Variants in GLRA2 observed in about 807,000 individuals in gnomAD.
GLRA2 encodes glycine receptor alpha 2.
In GLRA2, 11 loss-of-function variants were observed where a neutral mutation model predicts 31.6. The ratio of observed to expected loss-of-function variants is 0.35; its 90% confidence interval spans 0.22 to 0.58. GLRA2 has a LOEUF of 0.58. GLRA2 is among the 20% of genes least tolerant of loss of function. GLRA2 has a pLI of 0.84. For missense variants in GLRA2, 212 were observed against 351.8 expected, an observed-to-expected ratio of 0.60 and a Z score of 3.18; for synonymous variants, 132 against 134.0, an observed-to-expected ratio of 0.99 and a Z score of 0.10.
At chrX:14,573,895 A>T (rs1368397415) in intron 2 of GLRA2, among the ~76,000 whole-genome samples, 2 of 110,665 alleles carry the variant, frequency 1.8e-5, no homozygotes, top group African/African-American at 6.6e-5. Flanking sequence ...AGAATGTCAT[A>T]CAAAAGGAGG....
At chrX:14,698,634 C>T (rs1469011815) in intron 8 of GLRA2, among the ~76,000 whole-genome samples, 3 of 92,434 alleles carry the variant, frequency 3.2e-5, no homozygotes, top group African/African-American at 1.3e-4. Context: ...GCTGAGATCA[C>T]GCCACTGTAC....
chrX:14,493,905 TACTC>T, the GLRA2 span, among the ~76,000 whole-genome samples: 6 of 108,342 alleles, frequency 5.5e-5, no homozygotes, highest in Admixed American at 4.0e-4. Context: ...ACAGTAATAT[TACTC>T]ACAATACTTT....
intron 4 of GLRA2, among the ~76,000 whole-genome samples, chrX:14,591,726 C>T (rs770924609): frequency 7.1e-5 from 8 of 111,905 alleles, no homozygotes; most frequent in African/African-American, 2.6e-4. Context: ...CAATATTAAC[C>T]ATTACAGATC....
the GLRA2 span, among the ~76,000 whole-genome samples, chrX:14,503,284 C>T: frequency 1.8e-5 from 2 of 111,068 alleles, no homozygotes; most frequent in African/African-American, 6.5e-5. Flanking sequence ...GAGTGACCTG[C>T]TGATTTAAGG....
At chrX:14,676,793 T>C (rs1425898585) in intron 7 of GLRA2, among the ~76,000 whole-genome samples, 1 of 112,155 alleles carries the variant, frequency 8.9e-6, no homozygotes, top group African/African-American at 3.2e-5. Flanking sequence ...AATTCATGAC[T>C]TGATTTTCTA....
the GLRA2 span, among the ~76,000 whole-genome samples, chrX:14,493,731 A>ACATATACACGTATATATGTATACACG: frequency 6.6e-4 from 66 of 99,659 alleles, 1 homozygote; most frequent in African/African-American, 2.4e-3. Flanking sequence ...ATACGTGTAT[A>ACATATACACGTATATATGTATACACG]TGTATACATA....
At chrX:14,721,306 TAAAAG>T (rs1041934978) in intron 8 of GLRA2, among the ~76,000 whole-genome samples, 1 of 93,906 alleles carries the variant, frequency 1.1e-5, no homozygotes, top group Non-Finnish European at 2.1e-5. Flanking sequence ...TCAAAATTGC[TAAAAG>T]AATAGATTTT....
intron 7 of GLRA2, among the ~76,000 whole-genome samples, chrX:14,622,829 C>T (rs1225902499): frequency 8.9e-6 from 1 of 111,930 alleles, no homozygotes; most frequent in East Asian, 2.8e-4. Flanking sequence ...ATTGTCTTAG[C>T]AATGCAGGCT....
chrX:14,615,912 T>C, intron 7 of GLRA2, among the ~76,000 whole-genome samples: 1 of 111,886 alleles, frequency 8.9e-6, no homozygotes, highest in Middle Eastern at 4.6e-3. Flanking sequence ...CTTCTCTAAA[T>C]ACAGGAAAAT....
chrX:14,666,263 C>T (rs946658294), intron 7 of GLRA2, among the ~76,000 whole-genome samples: 4 of 111,964 alleles, frequency 3.6e-5, no homozygotes, highest in Non-Finnish European at 7.5e-5. Flanking sequence ...GGATCTCTAG[C>T]ATTTGAGAGA....
At chrX:14,690,404 T>A (rs1035115629) in intron 7 of GLRA2, among the ~76,000 whole-genome samples, 1 of 111,994 alleles carries the variant, frequency 8.9e-6, no homozygotes, top group African/African-American at 3.2e-5. Flanking sequence ...ATTTCACATA[T>A]TTATTTGTAG....
chrX:14,607,383 A>G, intron 6 of GLRA2, 115 bp downstream of exon 6: 2 of 598,939 alleles, frequency 3.3e-6, no homozygotes, highest in Admixed American at 3.4e-5. Flanking sequence ...AAATAGACCT[A>G]TGTCGCACGG....
intron 4 of GLRA2, among the ~76,000 whole-genome samples, chrX:14,592,110 A>G (rs919314867): frequency 9.0e-6 from 1 of 111,401 alleles, no homozygotes; most frequent in Non-Finnish European, 1.9e-5. Context: ...TTCTAGCACT[A>G]TTATAAGTCT....
intron 7 of GLRA2, among the ~76,000 whole-genome samples, chrX:14,688,743 G>A (rs749490739): frequency 2.3e-4 from 25 of 110,381 alleles, no homozygotes; most frequent in Admixed American, 3.8e-4. Flanking sequence ...GACCCCTTGC[G>A]CTTCCCGGGT....
the GLRA2 span, among the ~76,000 whole-genome samples, chrX:14,492,386 T>C: frequency 4.5e-5 from 5 of 111,151 alleles, no homozygotes; most frequent in Admixed American, 4.8e-4. Flanking sequence ...CAAAAGGTAT[T>C]GAGAACTTCT....
chrX:14,476,078 T>C, the GLRA2 span, among the ~76,000 whole-genome samples: 1 of 111,461 alleles, frequency 9.0e-6, no homozygotes, highest in Non-Finnish European at 1.9e-5. Context: ...TCAGTTACAC[T>C]GGGATAAGGC....
At chrX:14,591,264 C>T (rs1035309380) in intron 4 of GLRA2, among the ~76,000 whole-genome samples, 6 of 111,687 alleles carry the variant, frequency 5.4e-5, no homozygotes, top group African/African-American at 2.0e-4. Context: ...CTCACACCAT[C>T]ACAAGATAGA....
chrX:14,592,356 T>C (rs1454235548), intron 4 of GLRA2, among the ~76,000 whole-genome samples: 1 of 111,175 alleles, frequency 9.0e-6, no homozygotes, highest in Non-Finnish European at 1.9e-5. Context: ...GGACTACCTG[T>C]AATTTAAGAG....
intron 7 of GLRA2, among the ~76,000 whole-genome samples, chrX:14,663,540 C>A (rs920635609): frequency 1.9e-4 from 21 of 110,297 alleles, no homozygotes; most frequent in East Asian, 5.6e-4. Context: ...CACACACACA[C>A]AAAATAACTG....
Sources: gnomAD v4.1 joint callset for allele counts (sites outside exome capture counted in the v4.1 genomes callset) on GRCh38, gnomAD v4.1.1 for gene constraint, MANE v1.5 for transcripts, NCBI Gene and HGNC (gene_info 2026-07-23, HGNC 2026-07-21) for gene names.